The following WDFY3 variants were observed in gnomAD, a reference collection of about 807,000 sequenced individuals.
The protein encoded by WDFY3 is WD repeat and FYVE domain-containing protein 3.
In WDFY3, 66 loss-of-function variants were observed where a neutral mutation model predicts 409.6. That is an observed-to-expected ratio of 0.16 (90% CI 0.13 to 0.20). The LOEUF (loss-of-function observed/expected upper bound fraction) is 0.20. WDFY3 is among the 10% of genes least tolerant of loss of function. WDFY3 has a pLI of 1.00. For synonymous variants in WDFY3, 1,521 were observed against 1,537.1 expected (o/e 0.99, Z 0.25); for missense variants, 3,031 against 4,298.1 (o/e 0.71, Z 8.24).
chr4:84,850,163 T>C, intron 4 of WDFY3, 138 bp from the exon 5 acceptor site: 2 of 852,002 alleles, frequency 2.3e-6, no homozygotes, highest in Non-Finnish European at 1.7e-6. Context: ...CTTAATATGT[T>C]GAAAATACAA....
intron 7 of WDFY3, among the ~76,000 whole-genome samples, chr4:84,834,417 C>T (rs1031541802): frequency 5.3e-5 from 8 of 151,748 alleles, no homozygotes; most frequent in African/African-American, 1.4e-4. Context: ...GAGGCTGAGG[C>T]GGGAGGATCA....
At chr4:84,829,464 T>C (rs1343308462) in intron 8 of WDFY3, among the ~76,000 whole-genome samples, 3 of 152,152 alleles carry the variant, frequency 2.0e-5, no homozygotes, top group African/African-American at 7.2e-5. Context: ...TGATGTTTTA[T>C]CATTAAACAA....
intron 21 of WDFY3, among the ~76,000 whole-genome samples, chr4:84,791,972 T>G (rs1294586471): frequency 6.6e-6 from 1 of 152,142 alleles, no homozygotes; most frequent in Non-Finnish European, 1.5e-5. Flanking sequence ...AAGACAGCGG[T>G]GGAAAACCAG....
intron 29 of WDFY3, among the ~76,000 whole-genome samples, chr4:84,773,715 C>T (rs1335061806): frequency 6.6e-6 from 1 of 152,096 alleles, no homozygotes; most frequent in Non-Finnish European, 1.5e-5. Context: ...AGATCTGCCA[C>T]CAGATTTTTT....
At chr4:84,735,985 T>C (rs760075473) in intron 42 of WDFY3, among the ~76,000 whole-genome samples, 185 bp downstream of exon 42, 6 of 152,138 alleles carry the variant, frequency 3.9e-5, no homozygotes, top group Non-Finnish European at 7.4e-5. Flanking sequence ...TGGGTATAAG[T>C]AAATAGCACT....
chr4:84,949,328 A>G (rs754042789), intron 1 of WDFY3, among the ~76,000 whole-genome samples: 8 of 152,238 alleles, frequency 5.3e-5, no homozygotes, highest in Non-Finnish European at 1.0e-4. Context: ...CAATTAAAAC[A>G]ATAACATAAT....
intron 2 of WDFY3, among the ~76,000 whole-genome samples, chr4:84,905,476 C>T (rs1441256906): frequency 1.3e-5 from 2 of 152,200 alleles, no homozygotes; most frequent in Non-Finnish European, 2.9e-5. Flanking sequence ...CCACACTCTT[C>T]ATGTTAAGTC....
chr4:84,887,236 T>C (rs1283476056), intron 3 of WDFY3, among the ~76,000 whole-genome samples: 1 of 152,148 alleles, frequency 6.6e-6, no homozygotes, highest in Admixed American at 6.6e-5. Context: ...GAAAAGTACA[T>C]CAGGGAAACC....
intron 14 of WDFY3, chr4:84,809,379 T>A: frequency 6.5e-6 from 1 of 153,416 alleles, no homozygotes; most frequent in South Asian, 2.1e-4. Flanking sequence ...ACTTATTTCA[T>A]GAAGGAATGA....
intron 32 of WDFY3, among the ~76,000 whole-genome samples, chr4:84,763,162 T>C (rs142840168): frequency 1.3e-5 from 2 of 152,312 alleles, no homozygotes; most frequent in East Asian, 3.9e-4. Context: ...TTAATTTAGA[T>C]ACAAGTTTCA....
intron 1 of WDFY3, among the ~76,000 whole-genome samples, chr4:84,943,668 G>A (rs902315116): frequency 1.3e-5 from 2 of 151,964 alleles, no homozygotes; most frequent in Non-Finnish European, 2.9e-5. Context: ...GCCCCAACAT[G>A]GTTCAAAGAT....
At chr4:84,721,682 AAGGTAT>A in intron 46 of WDFY3, 110 bp from the exon 47 acceptor site, 1 of 1,341,964 alleles carries the variant, frequency 7.5e-7, no homozygotes, top group Middle Eastern at 2.3e-4. Context: ...ACAATTTTGG[AAGGTAT>A]AGGGAGGTAG....
chr4:84,929,363 G>T (rs1158759045), intron 2 of WDFY3, among the ~76,000 whole-genome samples: 1 of 152,040 alleles, frequency 6.6e-6, no homozygotes, highest in Admixed American at 6.6e-5. Flanking sequence ...AGAGGACTCA[G>T]TTAAGCTGCA....
At chr4:84,753,095 T>A (rs1038201581) in intron 35 of WDFY3, among the ~76,000 whole-genome samples, 4 of 152,200 alleles carry the variant, frequency 2.6e-5, no homozygotes, top group Admixed American at 2.0e-4. Context: ...CGTGAATACA[T>A]TTTCAAAGCA....
intron 55 of WDFY3, among the ~76,000 whole-genome samples, chr4:84,703,661 G>A (rs1731444965): frequency 6.6e-6 from 1 of 152,148 alleles, no homozygotes; most frequent in Admixed American, 6.6e-5. Flanking sequence ...CCAGATGTCT[G>A]CAGAAGCAAC....
rs745425750 is a variant in WDFY3 at position 84,783,046 on chromosome 4, G to A, written c.4091C>T (p.Thr1364Ile). The change falls in exon 25 of 68, where the codon ACT becomes ATT. Residue 1364 changes from threonine (T) to isoleucine (I), a missense_variant. By Grantham distance (89) the Thr-to-Ile change is moderately conservative. Coordinates refer to ENST00000295888, the MANE Select transcript of WDFY3 (RefSeq NM_014991.6). Reference protein sequence around the residue: ...QLGISSHENATPVKLIHNSAG... With the variant: ...QLGISSHENAIPVKLIHNSAG... ...TGAATTGTGTATCAACTTCACAGGA[G>A]TGGCATTCTCATGTGAGGAAATGCC... 8 of 1,614,132 alleles carry A rather than the reference G, an allele frequency of 5.0e-6. No individual in the cohort carries two copies. The highest frequency in any genetic ancestry group is 6.8e-6 in the Non-Finnish European group (8 of 1,180,018).
At chr4:84,739,348 T>C (rs1445121545) in intron 39 of WDFY3, 1 of 441,298 alleles carries the variant, frequency 2.3e-6, no homozygotes, top group African/African-American at 2.0e-5. Context: ...ATTATTACCT[T>C]AATATTTAAC....
chr4:84,688,224 T>A lies in WDFY3; in HGVS notation c.9405A>T (p.Ala3135=), dbSNP rs760522251. The A allele has an allele frequency of 2.5e-6, 4 of 1,614,128 alleles. No individual in the cohort carries two copies. The East Asian group carries it at 6.7e-5, about 27-fold the overall frequency. ...TGACAATTATGTGATAGGCTAATGA[T>A]GCTGTGGCGCAGGTGACGGTATCAG... is the stretch of plus-strand genomic sequence containing the variant. ...GHTDTVTCAT[A]SLAYHIIVSG... The change falls in exon 62 of 68, where the codon GCA becomes GCT. Residue 3135 remains alanine (A), a synonymous_variant. Coordinates refer to ENST00000295888, the MANE Select transcript of WDFY3 (RefSeq NM_014991.6).
In WDFY3 at chr4:84,670,985, T is replaced by C. The variant is rs181543657; in HGVS notation, c.*1883A>G. On this transcript the variant is annotated 3_prime_UTR_variant, in exon 68 of 68. Transcript: ENST00000295888. ...TTTATTAACAAGTATATTTGAACTT[T>C]TAGAAATGGAAGTGTTTTAATCAAT... The C allele has an allele frequency of 6.5e-6, 1 of 152,706 alleles. No homozygotes were observed. The highest frequency in any genetic ancestry group is 1.9e-4 in the East Asian group (1 of 5,188). The allele number at this position is 152,706 out of a possible 1,614,324, so 9.5% of individuals were successfully genotyped here.
Sources: allele counts gnomAD v4.1 joint callset (sites outside exome capture counted in the v4.1 genomes callset), GRCh38; gene constraint gnomAD v4.1.1; transcripts MANE v1.5; gene names NCBI Gene and HGNC (gene_info 2026-07-23, HGNC 2026-07-21).